Variants in FOXP2 observed in about 807,000 individuals in gnomAD.
The protein encoded by FOXP2 is forkhead box protein P2.
In FOXP2, 12 loss-of-function variants were observed where a neutral mutation model predicts 115.8. That is an observed-to-expected ratio of 0.10 (90% CI 0.07 to 0.17). The LOEUF is 0.17. Ranked by LOEUF, FOXP2 falls within the 10% of genes least tolerant of loss-of-function variation. FOXP2 has a pLI of 1.00. For missense variants in FOXP2, 629 were observed against 843.5 expected (o/e 0.75, Z 3.15); for synonymous variants, 328 against 297.7 (o/e 1.10, Z -1.05).
Position 114,691,730 on chromosome 7 carries a change from C to CA in FOXP2, c.*1804_*1805insA, listed in dbSNP as rs1808675897. Reference sequence around the variant, plus strand: ...AAACAGTTTTGACAGAAGGTGGCTGCTAGAGCTTAACATACGTTCCCGTTC... The same window carrying CA: ...AAACAGTTTTGACAGAAGGTGGCTGCATAGAGCTTAACATACGTTCCCGTTC... On this transcript the variant is annotated 3_prime_UTR_variant, in exon 17 of 17. Coordinates refer to ENST00000350908, the MANE Select transcript of FOXP2 (RefSeq NM_014491.4). 2 of 453,992 alleles carry CA rather than the reference C, an allele frequency of 4.4e-6. No homozygotes were observed. Among genetic ancestry groups the CA allele is most frequent in the African/African-American group, 4.0e-5 (2 of 49,940 alleles). 28.1% of individuals were successfully genotyped at this position (453,992 alleles called of 1,614,324 possible). A position where few individuals can be genotyped will look rare whatever the true frequency, so the allele number is the denominator to read the frequency against.
At chr7:114,384,700 C>A (rs1380269329) in intron 2 of FOXP2, among the ~76,000 whole-genome samples, 2 of 151,864 alleles carry the variant, frequency 1.3e-5, no homozygotes, top group Non-Finnish European at 2.9e-5. Flanking sequence ...ACATAGTAGC[C>A]CCATACTTTA....
chr7:114,299,167 A>G (rs945547666), intron 2 of FOXP2, among the ~76,000 whole-genome samples: 15 of 152,272 alleles, frequency 9.9e-5, no homozygotes, highest in African/African-American at 3.1e-4. Flanking sequence ...AAATAACTAT[A>G]CAATATATCA....
At chr7:114,330,471 A>G (rs1358025186) in intron 2 of FOXP2, among the ~76,000 whole-genome samples, 1 of 137,032 alleles carries the variant, frequency 7.3e-6, no homozygotes, top group Non-Finnish European at 1.6e-5. Context: ...TGTCTCTAAA[A>G]AAAAAAAAGT....
chr7:114,381,538 G>A (rs1488282033), intron 2 of FOXP2, among the ~76,000 whole-genome samples: 2 of 152,186 alleles, frequency 1.3e-5, no homozygotes, highest in Admixed American at 6.5e-5. Context: ...GATCTTTAAA[G>A]GCAAACAAGA....
At chr7:114,195,708 C>T (rs771376412) in intron 1 of FOXP2, among the ~76,000 whole-genome samples, 11 of 151,654 alleles carry the variant, frequency 7.3e-5, no homozygotes, top group Non-Finnish European at 1.6e-4. Flanking sequence ...ATGATTCTTC[C>T]TAGGGTTATA....
At chr7:114,160,804 G>GTT (rs1792807106), upstream of FOXP2, among the ~76,000 whole-genome samples, 1 of 151,774 alleles carries the variant, frequency 6.6e-6, no homozygotes, top group Non-Finnish European at 1.5e-5. Flanking sequence ...GTGTGTGTGT[G>GTT]TGTGTGAGTA....
At chr7:114,334,750 T>C (rs1797800382) in intron 2 of FOXP2, among the ~76,000 whole-genome samples, 1 of 151,282 alleles carries the variant, frequency 6.6e-6, no homozygotes, top group Non-Finnish European at 1.5e-5. Flanking sequence ...AAACTGATTT[T>C]TGTCAATTAA....
intron 16 of FOXP2, among the ~76,000 whole-genome samples, chr7:114,675,685 G>A (rs1450697661): frequency 6.6e-6 from 1 of 151,952 alleles, no homozygotes; most frequent in Admixed American, 6.6e-5. Flanking sequence ...ATGGTTAAAA[G>A]GAAATCTCAT....
At chr7:114,432,309 G>A (rs1383674115) in intron 2 of FOXP2, among the ~76,000 whole-genome samples, 1 of 151,898 alleles carries the variant, frequency 6.6e-6, no homozygotes, top group Non-Finnish European at 1.5e-5. Flanking sequence ...ACAACATTCA[G>A]CTCATCAAGC....
At chr7:114,302,685 A>G (rs1796906305) in intron 2 of FOXP2, among the ~76,000 whole-genome samples, 2 of 152,172 alleles carry the variant, frequency 1.3e-5, no homozygotes. Flanking sequence ...ACTTGTTTCT[A>G]GCTAACGAAT....
At chr7:114,540,083 A>G (rs912221913) in intron 3 of FOXP2, among the ~76,000 whole-genome samples, 2 of 152,044 alleles carry the variant, frequency 1.3e-5, no homozygotes, top group Non-Finnish European at 2.9e-5. Flanking sequence ...GGAAATTGGT[A>G]TTTAATTCAA....
intron 3 of FOXP2, among the ~76,000 whole-genome samples, chr7:114,552,155 T>A (rs1479055835): frequency 6.6e-6 from 1 of 152,242 alleles, no homozygotes; most frequent in Non-Finnish European, 1.5e-5. Context: ...ATTTTGTAGC[T>A]ATTTTTAAAT....
chr7:114,246,789 A>G (rs1187382537), intron 1 of FOXP2, among the ~76,000 whole-genome samples: 1 of 152,108 alleles, frequency 6.6e-6, no homozygotes, highest in Non-Finnish European at 1.5e-5. Flanking sequence ...TGTTGAGTCA[A>G]TTGTCTTTAT....
At chr7:114,091,533 A>G (rs1446490933) in intron 1 of FOXP2, among the ~76,000 whole-genome samples, 1 of 151,854 alleles carries the variant, frequency 6.6e-6, no homozygotes, top group Non-Finnish European at 1.5e-5. Context: ...AGGAATTTGT[A>G]TTTATCTATA....
chr7:114,636,359 G>A (rs371586614), intron 6 of FOXP2, among the ~76,000 whole-genome samples: 4 of 152,236 alleles, frequency 2.6e-5, no homozygotes, highest in Admixed American at 1.3e-4. Flanking sequence ...AAACTGAAAA[G>A]TACATAGTAA....
intron 2 of FOXP2, among the ~76,000 whole-genome samples, chr7:114,470,071 A>G (rs1225466876): frequency 6.6e-6 from 1 of 152,194 alleles, no homozygotes; most frequent in Non-Finnish European, 1.5e-5. Context: ...TGGCCATGCC[A>G]TGAACTGCCC....
At chr7:114,245,368 C>T (rs899210920) in intron 1 of FOXP2, among the ~76,000 whole-genome samples, 3 of 152,182 alleles carry the variant, frequency 2.0e-5, no homozygotes, top group Non-Finnish European at 2.9e-5. Flanking sequence ...GCAGGAAACA[C>T]TTCAGCAGTT....
rs545293922 is a variant in FOXP2 at position 114,603,331 on chromosome 7, A to G, written c.259-25209A>G. Reference sequence around the variant, plus strand: ...TTACTTACATTAAAATCTTACAGCCATGCTTATTTGGGTATTAAATTACTT... The same window carrying G: ...TTACTTACATTAAAATCTTACAGCCGTGCTTATTTGGGTATTAAATTACTT... On this transcript the variant is annotated intron_variant, in intron 3 of 16. Coordinates refer to ENST00000350908, the MANE Select transcript of FOXP2 (RefSeq NM_014491.4). 2.0e-5 allele frequency among the ~76,000 whole-genome samples: 3 copies of G among 152,310 alleles called. No homozygotes were observed. In the South Asian group the frequency reaches 6.2e-4, roughly 32 times the overall value.
intron 2 of FOXP2, among the ~76,000 whole-genome samples, chr7:114,335,888 A>T (rs1797841914): frequency 6.6e-6 from 1 of 151,842 alleles, no homozygotes; most frequent in South Asian, 2.1e-4. Context: ...AAAAGAAAAA[A>T]AAATGATCAA....
Sources: gnomAD v4.1 joint callset for allele counts (sites outside exome capture counted in the v4.1 genomes callset) on GRCh38, gnomAD v4.1.1 for gene constraint, MANE v1.5 for transcripts, NCBI Gene and HGNC (gene_info 2026-07-23, HGNC 2026-07-21) for gene names.